The following PTPN12 variants were observed in gnomAD, a reference collection of about 807,000 sequenced individuals.
PTPN12 encodes the protein protein tyrosine phosphatase non-receptor type 12, also known as tyrosine-protein phosphatase non-receptor type 12.
Under a neutral mutation model 97.6 loss-of-function variants are expected in PTPN12, and 29 were observed. The observed-to-expected ratio is 0.30, with a 90% CI of 0.22 to 0.41. The LOEUF is 0.41. Ranked by LOEUF, PTPN12 falls within the 10% of genes least tolerant of loss-of-function variation. The pLI is 1.00. For missense variants in PTPN12, 819 were observed against 926.0 expected (o/e 0.88, Z 1.50); for synonymous variants, 327 against 300.4 (o/e 1.09, Z -0.91).
At position 77,639,230 on chromosome 7, in the gene PTPN12, C is replaced by T. The variant is rs1031610054; in HGVS notation, c.2293C>T (p.Arg765Ter). 1.2e-6 allele frequency: 2 copies of T among 1,611,608 alleles called. No homozygotes were observed. Among genetic ancestry groups the T allele is most frequent in the South Asian group, 1.1e-5 (1 of 90,844 alleles). Reference sequence around the variant, plus strand: ...TGTTTTCACTGTAGGTTTTGGTAATCGATGTGGAAAACCCAAAGGACCAAG... The same window carrying T: ...TGTTTTCACTGTAGGTTTTGGTAATTGATGTGGAAAACCCAAAGGACCAAG... ...TEATDIGFGN[R>*]CGKPKGPRDP... Residue 765 changes from arginine to a stop codon, truncating the protein, a stop_gained, in exon 18 of 18, where the codon CGA becomes TGA. Coordinates refer to ENST00000248594, the MANE Select transcript of PTPN12 (RefSeq NM_002835.4). LOFTEE classifies it high-confidence loss of function.
chr7:77,542,942 A>G (rs775273879), intron 1 of PTPN12, among the ~76,000 whole-genome samples: 1 of 152,172 alleles, frequency 6.6e-6, no homozygotes, highest in African/African-American at 2.4e-5. Context: ...TATTCCAACA[A>G]ACTTATAGAG....
intron 11 of PTPN12, among the ~76,000 whole-genome samples, chr7:77,615,584 A>G (rs773875833): frequency 1.3e-5 from 2 of 152,124 alleles, no homozygotes; most frequent in Non-Finnish European, 2.9e-5. Context: ...CCATCTATAC[A>G]AAACAATTTT....
At chr7:77,637,094 G>A in intron 16 of PTPN12, 46 bp downstream of exon 16, 1 of 1,422,100 alleles carries the variant, frequency 7.0e-7, no homozygotes, top group Non-Finnish European at 9.8e-7. Flanking sequence ...AGATTTTATT[G>A]ATTAATTTCT....
chr7:77,638,922 T>C (rs2151416238), intron 17 of PTPN12, 191 bp downstream of exon 17: 2 of 1,007,530 alleles, frequency 2.0e-6, no homozygotes, highest in East Asian at 6.0e-5. Context: ...AATAGAAAAC[T>C]GCAGTATAAA....
Position 77,635,785 on chromosome 7 carries a change from C to T in PTPN12, c.2078C>T (p.Thr693Ile), listed in dbSNP as rs779942498. The T allele has an allele frequency of 2.5e-6, 4 of 1,593,902 alleles. No homozygotes were observed. The highest frequency in any genetic ancestry group is 1.7e-4 in the Middle Eastern group (1 of 5,970). ...ESFVLASEHN[T>I]PVRSEWSELQ... ...AATAAGATTTCATTTTTCTCAGATA[C>T]ACCTGTAAGATCGGAATGGAGTGAA... Residue 693 changes from threonine (T) to isoleucine (I), a missense_variant, in exon 15 of 18, where the codon ACA (threonine) becomes ATA (isoleucine). Thr to Ile is a moderately conservative substitution (Grantham distance 89). Coordinates refer to ENST00000248594, the MANE Select transcript of PTPN12 (RefSeq NM_002835.4).
At chr7:77,622,003 C>T (rs528426739) in intron 12 of PTPN12, among the ~76,000 whole-genome samples, 6 of 152,266 alleles carry the variant, frequency 3.9e-5, no homozygotes, top group East Asian at 1.9e-4. Context: ...TGCTCTTTTG[C>T]GCAGGCTGGA....
intron 17 of PTPN12, 199 bp downstream of exon 17, chr7:77,638,930 A>G: frequency 1.0e-6 from 1 of 956,552 alleles, no homozygotes; most frequent in East Asian, 3.0e-5. Context: ...ACTGCAGTAT[A>G]AAAAATCTTT....
intron 1 of PTPN12, among the ~76,000 whole-genome samples, chr7:77,566,103 C>G (rs542062385): frequency 1.2e-4 from 19 of 152,292 alleles, no homozygotes; most frequent in African/African-American, 3.8e-4. Flanking sequence ...AACACTTTAG[C>G]CAGAGCCCTA....
intron 4 of PTPN12, among the ~76,000 whole-genome samples, chr7:77,584,831 A>C (rs527784967): frequency 2.0e-5 from 3 of 151,622 alleles, no homozygotes; most frequent in Admixed American, 6.6e-5. Context: ...GAGCTGAGAT[A>C]GCGCCACTGC....
At chr7:77,612,745 GTT>G (rs943691039) in intron 11 of PTPN12, among the ~76,000 whole-genome samples, 3 of 151,164 alleles carry the variant, frequency 2.0e-5, no homozygotes, top group Admixed American at 1.3e-4. Context: ...CCTCGAATGT[GTT>G]TTTTGTTTGT....
chr7:77,552,684 A>C (rs1807533236), intron 1 of PTPN12, among the ~76,000 whole-genome samples: 1 of 152,212 alleles, frequency 6.6e-6, no homozygotes, highest in Admixed American at 6.5e-5. Context: ...ATAGGCAGGG[A>C]AGAAAAGACC....
chr7:77,560,023 CTT>C (rs1807927783), intron 1 of PTPN12, among the ~76,000 whole-genome samples: 1 of 152,182 alleles, frequency 6.6e-6, no homozygotes, highest in Admixed American at 6.5e-5. Context: ...CTGTTCATCT[CTT>C]ATCACTAGCA....
chr7:77,539,605 GTTGT>G (rs1292726378), intron 1 of PTPN12, among the ~76,000 whole-genome samples: 3 of 151,366 alleles, frequency 2.0e-5, no homozygotes, highest in Non-Finnish European at 4.4e-5. Flanking sequence ...TTTGGGTTTT[GTTGT>G]TTGGTTGGTT....
intron 11 of PTPN12, 76 bp from the exon 12 acceptor site, chr7:77,618,404 A>G: frequency 1.0e-6 from 1 of 985,608 alleles, no homozygotes; most frequent in Non-Finnish European, 1.5e-6. Flanking sequence ...AAAAGCACAG[A>G]AACAATTTAG....
intron 2 of PTPN12, among the ~76,000 whole-genome samples, chr7:77,580,376 T>A (rs1031424588): frequency 5.3e-5 from 8 of 152,216 alleles, no homozygotes; most frequent in African/African-American, 1.9e-4. Context: ...TTCTGTGCTT[T>A]GGGAAGAGTT....
intron 2 of PTPN12, among the ~76,000 whole-genome samples, chr7:77,579,788 G>T (rs1787455270): frequency 6.6e-6 from 1 of 152,136 alleles, no homozygotes; most frequent in Non-Finnish European, 1.5e-5. Flanking sequence ...ATGGGCAAAG[G>T]ATATAAACAA....
At chr7:77,613,436 A>G (rs536938149) in intron 11 of PTPN12, among the ~76,000 whole-genome samples, 56 of 151,974 alleles carry the variant, frequency 3.7e-4, no homozygotes, top group Non-Finnish European at 4.7e-4. Context: ...CAGCCTCCCA[A>G]AGTGCCAGGA....
intron 1 of PTPN12, among the ~76,000 whole-genome samples, chr7:77,546,206 T>G (rs1350349604): frequency 6.6e-6 from 1 of 152,326 alleles, no homozygotes; most frequent in African/African-American, 2.4e-5. Context: ...AAATTTAAAA[T>G]GACTTCACCA....
At chr7:77,601,047 AACAT>A (rs907941211) in intron 8 of PTPN12, 40 of 405,868 alleles carry the variant, frequency 9.9e-5, no homozygotes, top group African/African-American at 7.5e-4. Context: ...GAAGCTATAG[AACAT>A]ACTCTTTTTA....
Sources: gnomAD v4.1 joint callset for allele counts (sites outside exome capture counted in the v4.1 genomes callset) on GRCh38, gnomAD v4.1.1 for gene constraint, MANE v1.5 for transcripts, NCBI Gene and HGNC (gene_info 2026-07-23, HGNC 2026-07-21) for gene names.